The following MEGF9 variants were observed in gnomAD, a reference collection of about 807,000 sequenced individuals.
MEGF9 encodes the protein multiple EGF like domains 9.
A neutral mutation model predicts 46.8 loss-of-function variants in MEGF9; 6 were observed. That is an observed-to-expected ratio of 0.13 (90% CI 0.07 to 0.25). The LOEUF (loss-of-function observed/expected upper bound fraction) is 0.25. MEGF9 is among the 10% of genes least tolerant of loss of function. MEGF9 has a pLI of 1.00. For missense variants in MEGF9, 683 were observed against 792.4 expected, an observed-to-expected ratio of 0.86 and a Z score of 1.66; for synonymous variants, 302 against 330.7, an observed-to-expected ratio of 0.91 and a Z score of 0.94.
intron 2 of MEGF9, among the ~76,000 whole-genome samples, chr9:120,645,037 G>C (rs2043619550): frequency 6.6e-6 from 1 of 152,156 alleles, no homozygotes; most frequent in Non-Finnish European, 1.5e-5. Flanking sequence ...CCTCCTGACT[G>C]TGAAAAATCA....
At chr9:120,648,282 T>C (rs1043482084) in intron 2 of MEGF9, among the ~76,000 whole-genome samples, 2 of 151,664 alleles carry the variant, frequency 1.3e-5, no homozygotes, top group African/African-American at 2.4e-5. Flanking sequence ...ATTCTGTTCA[T>C]TCATCAAGTA....
intron 1 of MEGF9, among the ~76,000 whole-genome samples, chr9:120,679,295 T>TA (rs1243585626): frequency 6.6e-6 from 1 of 152,068 alleles, no homozygotes; most frequent in Non-Finnish European, 1.5e-5. Flanking sequence ...TATGCAGCCA[T>TA]AAAAAATGAT....
At chr9:120,703,342 T>C (rs1156317859) in intron 1 of MEGF9, among the ~76,000 whole-genome samples, 2 of 152,210 alleles carry the variant, frequency 1.3e-5, no homozygotes, top group Non-Finnish European at 2.9e-5. Context: ...GGTATAACTG[T>C]GAACAAAACA....
intron 2 of MEGF9, among the ~76,000 whole-genome samples, chr9:120,658,276 C>T (rs1038457282): frequency 1.7e-4 from 26 of 152,244 alleles, no homozygotes; most frequent in Admixed American, 1.6e-3. Context: ...CGTGAGCCAC[C>T]GCGCCCAGCC....
At chr9:120,712,006 T>C (rs891531523) in intron 1 of MEGF9, among the ~76,000 whole-genome samples, 2 of 152,078 alleles carry the variant, frequency 1.3e-5, no homozygotes, top group Non-Finnish European at 2.9e-5. Flanking sequence ...CCTGAAATCC[T>C]AGAACTTTGG....
chr9:120,682,870 C>T (rs2043804862), intron 1 of MEGF9, among the ~76,000 whole-genome samples: 1 of 152,146 alleles, frequency 6.6e-6, no homozygotes, highest in Non-Finnish European at 1.5e-5. Flanking sequence ...CCATGAGCCA[C>T]CGCACCCAGC....
intron 2 of MEGF9, among the ~76,000 whole-genome samples, chr9:120,653,497 A>G (rs1486915732): frequency 6.6e-6 from 1 of 151,302 alleles, no homozygotes; most frequent in African/African-American, 2.4e-5. Flanking sequence ...TCAGCCTCCC[A>G]AGCAGCTGGG....
chr9:120,650,293 C>A (rs888231462), intron 2 of MEGF9, among the ~76,000 whole-genome samples: 1 of 152,256 alleles, frequency 6.6e-6, no homozygotes, highest in African/African-American at 2.4e-5. Flanking sequence ...TACTGAGATT[C>A]ACGCATTCAC....
At chr9:120,670,386 C>A (rs1184624176) in intron 1 of MEGF9, among the ~76,000 whole-genome samples, 1 of 152,160 alleles carries the variant, frequency 6.6e-6, no homozygotes, top group Non-Finnish European at 1.5e-5. Context: ...CATGAGCCAC[C>A]GTGCCCGGCC....
At chr9:120,698,520 G>C (rs2043889014) in intron 1 of MEGF9, among the ~76,000 whole-genome samples, 1 of 152,166 alleles carries the variant, frequency 6.6e-6, no homozygotes, top group Non-Finnish European at 1.5e-5. Context: ...CTATTAGAGA[G>C]TTGATCTGTG....
intron 1 of MEGF9, among the ~76,000 whole-genome samples, chr9:120,660,822 T>C (rs1329491088): frequency 4.6e-5 from 7 of 152,192 alleles, no homozygotes; most frequent in Non-Finnish European, 1.0e-4. Context: ...GATCCTACCC[T>C]TAAAGGGTCC....
intron 1 of MEGF9, among the ~76,000 whole-genome samples, chr9:120,678,314 T>C (rs763503993): frequency 7.2e-5 from 11 of 152,202 alleles, no homozygotes; most frequent in Admixed American, 2.0e-4. Context: ...AGCAGTGAGA[T>C]TGATGGATTG....
At chr9:120,659,788 A>AGTGTGTGTGTGTGT (rs67080202) in intron 1 of MEGF9, among the ~76,000 whole-genome samples, 128 of 143,126 alleles carry the variant, frequency 8.9e-4, no homozygotes, top group African/African-American at 3.3e-3. Context: ...TGTGTGTGAC[A>AGTGTGTGTGTGTGT]GTGTGTGTGT....
intron 1 of MEGF9, among the ~76,000 whole-genome samples, chr9:120,693,275 C>CAAAAAAAAAAAAA (rs10633158): frequency 1.9e-5 from 2 of 104,430 alleles, no homozygotes; most frequent in East Asian, 2.7e-4. Context: ...TCTGGTTAAC[C>CAAAAAAAAAAAAA]AAAAAAAAAA....
At chr9:120,626,406 TACTC>T (rs1268523365) in intron 2 of MEGF9, among the ~76,000 whole-genome samples, 1 of 152,234 alleles carries the variant, frequency 6.6e-6, no homozygotes, top group East Asian at 1.9e-4. Flanking sequence ...AGAACTTACA[TACTC>T]ATGGGTGTGA....
intron 1 of MEGF9, among the ~76,000 whole-genome samples, chr9:120,675,015 A>T (rs769678122): frequency 2.0e-5 from 3 of 151,856 alleles, no homozygotes; most frequent in Non-Finnish European, 4.4e-5. Context: ...AGTAGCTGGG[A>T]CCACAGGCAC....
Position 120,713,760 on chromosome 9 carries a change from G to A in MEGF9, c.599C>T (p.Pro200Leu), listed in dbSNP as rs752726593. 4.6e-6 allele frequency: 6 copies of A among 1,291,582 alleles called. No individual in the cohort carries two copies. Among genetic ancestry groups the A allele is most frequent in the Non-Finnish European group, 5.9e-6 (6 of 1,019,590 alleles). 80.0% of individuals were successfully genotyped at this position (1,291,582 alleles called of 1,614,324 possible). A position where few individuals can be genotyped will look rare whatever the true frequency, so the allele number is the denominator to read the frequency against. Residue 200 changes from proline to leucine, a missense_variant and splice_region_variant, in exon 1 of 6, where the codon CCA (proline) becomes CTA (leucine). This residue lies in a region of MEGF9 where 370 missense variants were observed against 371.3 expected (regional missense o/e 1.00). Transcript: ENST00000373930. ...PATEAPSSPP[P>L]EYVCNCSVVG... ...CCGAGAGGGAGCGCCGGACTCACCT[G>A]GAGGAGGCGAAGAGGGGGCCTCGGT...
At chr9:120,660,627 G>T (rs2043698127) in intron 1 of MEGF9, among the ~76,000 whole-genome samples, 4 of 152,006 alleles carry the variant, frequency 2.6e-5, no homozygotes, top group Admixed American at 2.0e-4. Context: ...ATATTGAGAA[G>T]CCCTTAGTTT....
rs186961199 is a variant in MEGF9 at position 120,699,117 on chromosome 9, C to G, written c.601+14641G>C. Among the ~76,000 whole-genome samples, 244 of 152,198 alleles carry G rather than the reference C, an allele frequency of 1.6e-3. 2 individuals are homozygous for G. The highest frequency in any genetic ancestry group is 2.0e-3 in the Non-Finnish European group (139 of 68,010). On this transcript the variant is annotated intron_variant, in intron 1 of 5. Transcript: ENST00000373930. Reference sequence around the variant, plus strand: ...TCTCAAGTAAAGCATCATATGGGGTCTTAGATCAAAATAGATTTACTTTCT... The same window carrying G: ...TCTCAAGTAAAGCATCATATGGGGTGTTAGATCAAAATAGATTTACTTTCT...
Sources: allele counts gnomAD v4.1 joint callset (sites outside exome capture counted in the v4.1 genomes callset), GRCh38; gene constraint gnomAD v4.1.1; regional missense constraint gnomAD v4.1.1; transcripts MANE v1.5; gene names NCBI Gene and HGNC (gene_info 2026-07-23, HGNC 2026-07-21).